FNBP1: variants seen among roughly 807,000 people sequenced by gnomAD.
The protein encoded by FNBP1 is formin-binding protein 1.
Under a neutral mutation model 90.6 loss-of-function variants are expected in FNBP1, and 26 were observed. The ratio of observed to expected loss-of-function variants is 0.29; its 90% CI spans 0.21 to 0.40. The LOEUF (loss-of-function observed/expected upper bound fraction) is 0.40, where lower values mean the gene tolerates loss of function less well. Among genes scored for constraint, FNBP1 ranks in the 10% least tolerant of loss-of-function variants. The probability of loss-of-function intolerance (pLI) is 1.00; values close to 1 mark genes in which losing one functional copy is unlikely to be tolerated. For synonymous variants in FNBP1, 260 were observed against 265.2 expected, an observed-to-expected ratio of 0.98 and a Z score of 0.19; for missense variants, 635 against 768.0, an observed-to-expected ratio of 0.83 and a Z score of 2.05.
the FNBP1 span, among the ~76,000 whole-genome samples, chr9:130,051,600 A>AGGCCAGGAGTTCAAGACC: frequency 6.6e-6 from 1 of 152,330 alleles, no homozygotes; most frequent in African/African-American, 2.4e-5. Flanking sequence ...AGATCACTTG[A>AGGCCAGGAGTTCAAGACC]GGCCAGGAGT....
At chr9:130,023,179 C>A (rs1197230635) in intron 1 of FNBP1, among the ~76,000 whole-genome samples, 1 of 151,670 alleles carries the variant, frequency 6.6e-6, no homozygotes, top group Non-Finnish European at 1.5e-5. Context: ...CACAAGAAAC[C>A]AGTTATGGTG....
At chr9:129,956,718 T>G (rs1245157427) in intron 6 of FNBP1, among the ~76,000 whole-genome samples, 1 of 152,162 alleles carries the variant, frequency 6.6e-6, no homozygotes, top group Non-Finnish European at 1.5e-5. Context: ...GGCCCTGTCC[T>G]GTCTCCTCCG....
At chr9:129,974,854 T>A in intron 4 of FNBP1, among the ~76,000 whole-genome samples, 2 of 127,576 alleles carry the variant, frequency 1.6e-5, no homozygotes, top group Admixed American at 8.5e-5. Context: ...AATGAGACCC[T>A]GAAGAAAAAA....
chr9:129,921,322 G>A (rs1382266443), intron 10 of FNBP1, among the ~76,000 whole-genome samples: 1 of 150,658 alleles, frequency 6.6e-6, no homozygotes, highest in African/African-American at 2.4e-5. Context: ...CTGGGCTCCA[G>A]CAATCCTCTC....
intron 1 of FNBP1, among the ~76,000 whole-genome samples, chr9:130,009,399 C>T (rs192680982): frequency 2.6e-4 from 40 of 152,244 alleles, no homozygotes; most frequent in Middle Eastern, 3.4e-3. Flanking sequence ...CAGTGGCTCA[C>T]GCCTATAATC....
chr9:129,980,808 T>C (rs1366520609), intron 2 of FNBP1, among the ~76,000 whole-genome samples: 1 of 151,480 alleles, frequency 6.6e-6, no homozygotes, highest in Admixed American at 6.6e-5. Flanking sequence ...TCCCAGCACT[T>C]TGGGAGGCTG....
chr9:130,042,428 C>G lies in FNBP1; in HGVS notation c.24+524G>C, dbSNP rs2059909258. On this transcript the variant is annotated intron_variant, in intron 1 of 16. Coordinates refer to ENST00000446176, the MANE Select transcript of FNBP1 (RefSeq NM_015033.3). This position sits in a 1 kb window ranked among gnomAD's most constrained non-coding sequence, Gnocchi z 5.5. Reference sequence around the variant, plus strand: ...TCGCCTCCAGAGCGAAGACCGCACTCTCGCCCCAGCACCCCAAAACCCGAC... The same window carrying G: ...TCGCCTCCAGAGCGAAGACCGCACTGTCGCCCCAGCACCCCAAAACCCGAC... 6.6e-6 allele frequency among the ~76,000 whole-genome samples: 1 copy of G among 152,118 alleles called. No individual in the cohort carries two copies. The highest frequency in any genetic ancestry group is 1.5e-5 in the Non-Finnish European group (1 of 67,998).
chr9:129,924,389 T>C (rs1715993603), intron 9 of FNBP1, among the ~76,000 whole-genome samples: 1 of 152,228 alleles, frequency 6.6e-6, no homozygotes, highest in Non-Finnish European at 1.5e-5. Context: ...AGACCTTCAA[T>C]GCTAAGGTTG....
intron 1 of FNBP1, among the ~76,000 whole-genome samples, chr9:130,026,913 C>A (rs149822477): frequency 0.012 from 1,761 of 151,368 alleles, 22 homozygotes; most frequent in Non-Finnish European, 0.017. Context: ...TTAGAGTGAG[C>A]CAAGACTGCA....
At chr9:129,989,423 T>G (rs78086972) in intron 2 of FNBP1, among the ~76,000 whole-genome samples, 1,878 of 152,174 alleles carry the variant, frequency 0.012, 16 homozygotes, top group Middle Eastern at 0.021. Flanking sequence ...TAATTCCCCA[T>G]AAAGCAAAGC....
At chr9:129,927,160 A>G in intron 8 of FNBP1, 35 bp downstream of exon 8, 1 of 1,607,714 alleles carries the variant, frequency 6.2e-7, no homozygotes, top group Non-Finnish European at 8.5e-7. Flanking sequence ...GGATCTGCAA[A>G]TAGTTATCAA....
At chr9:129,922,473 C>T (rs1449150072) in intron 10 of FNBP1, among the ~76,000 whole-genome samples, 4 of 152,170 alleles carry the variant, frequency 2.6e-5, no homozygotes, top group African/African-American at 9.7e-5. Flanking sequence ...TATCTTCCCA[C>T]CTTCACCTTT....
chr9:129,968,543 A>G (rs2048965372), intron 4 of FNBP1, among the ~76,000 whole-genome samples: 1 of 152,042 alleles, frequency 6.6e-6, no homozygotes, highest in African/African-American at 2.4e-5. Context: ...TCCTAAATGT[A>G]TTGGAGTCAG....
chr9:129,981,641 C>T (rs1219160924), intron 2 of FNBP1, among the ~76,000 whole-genome samples: 5 of 151,916 alleles, frequency 3.3e-5, no homozygotes, highest in African/African-American at 9.7e-5. Context: ...GAGAGGCCAC[C>T]GGCTTCAGTA....
Position 129,957,920 on chromosome 9 carries a change from A to G in FNBP1, c.409-456T>C, listed in dbSNP as rs1400214287. On this transcript the variant is annotated intron_variant, in intron 5 of 16. Coordinates refer to ENST00000446176, the MANE Select transcript of FNBP1 (RefSeq NM_015033.3). This position sits in a 1 kb window ranked among gnomAD's most constrained non-coding sequence, Gnocchi z 4.3. ...TTCTAGAAGTTATTTTAAAATCTGC[A>G]TTTATTTCCATCAAAACTGTCTAAT... is the stretch of plus-strand genomic sequence containing the variant. 6.6e-6 allele frequency among the ~76,000 whole-genome samples: 1 copy of G among 152,154 alleles called. No individual in the cohort carries two copies. Among genetic ancestry groups the G allele is most frequent in the Non-Finnish European group, 1.5e-5 (1 of 68,032 alleles).
At chr9:129,937,839 A>G (rs1037481302) in intron 6 of FNBP1, among the ~76,000 whole-genome samples, 1 of 152,068 alleles carries the variant, frequency 6.6e-6, no homozygotes, top group Non-Finnish European at 1.5e-5. Flanking sequence ...AACCAAAGAA[A>G]TATGCTTTAT....
chr9:129,909,870 C>A (rs2038913428), intron 11 of FNBP1, among the ~76,000 whole-genome samples: 1 of 152,182 alleles, frequency 6.6e-6, no homozygotes, highest in South Asian at 2.1e-4. Context: ...CAGGCATGAG[C>A]CGCCGCGCCC....
chr9:130,011,598 T>C (rs1395368114), intron 1 of FNBP1, among the ~76,000 whole-genome samples: 5 of 152,030 alleles, frequency 3.3e-5, no homozygotes, highest in African/African-American at 4.8e-5. Context: ...AACACCTAGA[T>C]AGCACCATCT....
At chr9:130,033,377 A>G (rs996590530) in intron 1 of FNBP1, among the ~76,000 whole-genome samples, 2 of 152,340 alleles carry the variant, frequency 1.3e-5, no homozygotes, top group African/African-American at 2.4e-5. Context: ...GTTTGTCCCC[A>G]GAGCCTGTCT....
Sources: allele counts gnomAD v4.1 joint callset (sites outside exome capture counted in the v4.1 genomes callset), GRCh38; gene constraint gnomAD v4.1.1; non-coding constraint Gnocchi (gnomAD v3.1); transcripts MANE v1.5; gene names NCBI Gene and HGNC (gene_info 2026-07-23, HGNC 2026-07-21).